CBARP: variants seen among roughly 807,000 people sequenced by gnomAD.
The protein encoded by CBARP is CACN subunit beta associated regulatory protein, also known as voltage-dependent calcium channel beta subunit-associated regulatory protein.
In CBARP, 24 loss-of-function variants were observed where a neutral mutation model predicts 36.3. The observed-to-expected ratio is 0.66, with a 90% confidence interval of 0.48 to 0.93. The LOEUF (loss-of-function observed/expected upper bound fraction) is 0.93. Ranked by LOEUF, CBARP falls within the 40% of genes least tolerant of loss-of-function variation. CBARP has a pLI of 0.00. For synonymous variants in CBARP, 586 were observed against 453.2 expected (o/e 1.29, Z -3.72); for missense variants, 1,146 against 980.4 (o/e 1.17, Z -2.26).
At chr19:1,236,732 G>C (rs953016023) in intron 1 of CBARP, among the ~76,000 whole-genome samples, 5 of 151,794 alleles carry the variant, frequency 3.3e-5, no homozygotes, top group African/African-American at 1.2e-4. Flanking sequence ...AAGGGACAAA[G>C]AAGGCGCATC....
chr19:1,230,358 C>A, intron 9 of CBARP: 2 of 986,934 alleles, frequency 2.0e-6, no homozygotes, highest in Non-Finnish European at 2.4e-6. Context: ...AAGCAGGGTG[C>A]CTCCATGCTG....
rs547982238 is a variant in CBARP, at chr19:1,228,363, G to A, written c.*816C>T. On this transcript the variant is annotated 3_prime_UTR_variant, in exon 10 of 10. Coordinates refer to ENST00000650044, the MANE Select transcript of CBARP (RefSeq NM_001393918.1). The stretch of plus-strand genomic sequence containing the variant: ...TCGCGGGATGGTGCAGACGCGGCGG[G>A]GACTCGGAGGGTGCCGTGCGGGCGA... 20 of 237,420 alleles carry A rather than the reference G, an allele frequency of 8.4e-5. No homozygotes were observed. Among genetic ancestry groups the A allele is most frequent in the Admixed American group, 5.1e-4 (9 of 17,720 alleles). 14.7% of individuals were successfully genotyped at this position (237,420 alleles called of 1,614,324 possible).
chr19:1,236,517 T>C (rs1457053761), intron 1 of CBARP, among the ~76,000 whole-genome samples: 4 of 151,880 alleles, frequency 2.6e-5, no homozygotes, highest in African/African-American at 9.7e-5. Flanking sequence ...CCAGACGCCC[T>C]GTCCGCCCCA....
intron 8 of CBARP, among the ~76,000 whole-genome samples, chr19:1,233,153 C>A (rs1382449408): frequency 1.3e-5 from 2 of 152,214 alleles, no homozygotes; most frequent in Non-Finnish European, 2.9e-5. Context: ...CTGGATGCCC[C>A]AATGGCCCGA....
chr19:1,237,034 G>C (rs1436757781), intron 1 of CBARP, among the ~76,000 whole-genome samples: 2 of 152,154 alleles, frequency 1.3e-5, no homozygotes. Flanking sequence ...CAGCCGGGTG[G>C]GGAGGCCCGG....
At chr19:1,234,849 G>T (rs750043244) in intron 5 of CBARP, 107 bp from the exon 6 acceptor site, 3 of 1,512,740 alleles carry the variant, frequency 2.0e-6, no homozygotes, top group Middle Eastern at 1.8e-4. Context: ...CAGGCGAAAG[G>T]GGGGCAACTG....
chr19:1,229,724 G>A lies in CBARP; in HGVS notation c.1573C>T (p.Arg525Trp). Residue 525 changes from arginine to tryptophan, a missense_variant, in exon 10 of 10, where the codon CGG becomes TGG. Physicochemically the swap from Arg to Trp is moderately radical, Grantham distance 101 (BLOSUM62 -3). Transcript: ENST00000650044. The surrounding 1 kb of genome is among the most constrained non-coding windows in gnomAD (Gnocchi z 5.1). ...GGCCAGGCGCGCGGGCTGCGGGGCC[G>A]GGCGGGCGCGGCAGGTGGCTCGGTG... The part of the protein sequence containing the change: ...DDTEPPAAPA[R>W]PRSPRAWPRR... 2.0e-6 allele frequency: 2 copies of A among 983,350 alleles called. No homozygotes were observed. Among genetic ancestry groups the A allele is most frequent in the Non-Finnish European group, 2.4e-6 (2 of 829,494 alleles). 60.9% of individuals were successfully genotyped at this position (983,350 alleles called of 1,614,324 possible). A position where few individuals can be genotyped will look rare whatever the true frequency, so the allele number is the denominator to read the frequency against.
Position 1,228,643 on chromosome 19 carries a change from C to T in CBARP, c.*536G>A, listed in dbSNP as rs1199627528. 2 of 155,682 alleles carry T rather than the reference C, an allele frequency of 1.3e-5. No individual in the cohort carries two copies. The highest frequency in any genetic ancestry group is 6.6e-5 in the Admixed American group (1 of 15,202). 9.6% of individuals were successfully genotyped at this position (155,682 alleles called of 1,614,324 possible). Reference sequence around the variant, plus strand: ...CACGCCGCAGTGAGGTAAACGGTCTCGGAGGTCGGCAGTCACGGTGTTGAG... The same window carrying T: ...CACGCCGCAGTGAGGTAAACGGTCTTGGAGGTCGGCAGTCACGGTGTTGAG... On this transcript the variant is annotated 3_prime_UTR_variant, in exon 10 of 10. Transcript: ENST00000650044.
chr19:1,230,420 A>G (rs1047435252), intron 9 of CBARP: 10 of 988,784 alleles, frequency 1.0e-5, no homozygotes, highest in African/African-American at 8.7e-5. Context: ...AAAAGTCAAC[A>G]TGCTTCTCTC....
chr19:1,230,942 GC>G, intron 9 of CBARP, 158 bp downstream of exon 9: 1 of 1,581,978 alleles, frequency 6.3e-7, no homozygotes. Context: ...TGGAGAGGTG[GC>G]CCCAGTGAGT....
chr19:1,230,445 TC>T, intron 9 of CBARP: 1 of 992,932 alleles, frequency 1.0e-6, no homozygotes, highest in South Asian at 4.7e-5. Context: ...AGTCACGTTT[TC>T]CCAGCCTCCC....
chr19:1,230,015 C>G lies in CBARP; in HGVS notation c.1282G>C (p.Glu428Gln), dbSNP rs868118622. The change falls in exon 10 of 10, where the codon GAG becomes CAG. Residue 428 changes from glutamate to glutamine, a missense_variant. Coordinates refer to ENST00000650044, the MANE Select transcript of CBARP (RefSeq NM_001393918.1). ...EPDAERDAGP[E>Q]QAQTSYRDLW... is the part of the protein sequence containing the mutation. ...TCGCGGTAGCTGGTCTGGGCCTGCT[C>G]GGGGCCCGCGTCCCGCTCGGCGTCC... The G allele has an allele frequency of 1.6e-6, 2 of 1,232,688 alleles. No individual in the cohort carries two copies. Among genetic ancestry groups the G allele is most frequent in the Non-Finnish European group, 2.1e-6 (2 of 965,608 alleles). The allele number at this position is 1,232,688 out of a possible 1,614,324, so 76.4% of individuals were successfully genotyped here.
rs996617555 is a variant in CBARP, at chr19:1,237,950, GC to G, written c.-217del. 2 of 146,682 alleles carry G rather than the reference GC, an allele frequency of 1.4e-5. No homozygotes were observed. Among genetic ancestry groups the G allele is most frequent in the African/African-American group, 4.9e-5 (2 of 40,848 alleles). 9.1% of individuals were successfully genotyped at this position (146,682 alleles called of 1,614,324 possible). A position where few individuals can be genotyped will look rare whatever the true frequency, so the allele number is the denominator to read the frequency against. The stretch of plus-strand genomic sequence containing the variant: ...CGTTGGCGGCGCGCCCGCTCCGCGC[GC>G]CCGGTGCTGCCCGGTCCCCGGCCCG... On this transcript the variant is annotated 5_prime_UTR_variant, in exon 1 of 10. Transcript: ENST00000650044.
At chr19:1,232,416 G>A (rs1173565556) in intron 8 of CBARP, among the ~76,000 whole-genome samples, 1 of 152,130 alleles carries the variant, frequency 6.6e-6, no homozygotes, top group African/African-American at 2.4e-5. Context: ...CCTTCTCTCT[G>A]CACTTGTCCC....
At chr19:1,236,438 A>C (rs539463253) in intron 1 of CBARP, among the ~76,000 whole-genome samples, 4 of 152,306 alleles carry the variant, frequency 2.6e-5, no homozygotes, top group African/African-American at 9.6e-5. Context: ...CCTGGAGCTC[A>C]GCGCTGGGCA....
Position 1,236,107 on chromosome 19 carries a change from C to G in CBARP, c.-7G>C, listed in dbSNP as rs1272849569. ...TGGTGGCTGTGGGCTGCATTCTGAA[C>G]TGGGGAGGAGGGCCCTGTGGGGAGG... is the stretch of plus-strand genomic sequence containing the variant. On this transcript the variant is annotated 5_prime_UTR_variant, in exon 2 of 10. Transcript: ENST00000650044. 6.9e-7 allele frequency: 1 copy of G among 1,449,896 alleles called. No homozygotes were observed. The highest frequency in any genetic ancestry group is 9.1e-7 in the Non-Finnish European group (1 of 1,104,900). The allele number at this position is 1,449,896 out of a possible 1,614,324, so 89.8% of individuals were successfully genotyped here. A position where few individuals can be genotyped will look rare whatever the true frequency, so the allele number is the denominator to read the frequency against.
intron 9 of CBARP, chr19:1,230,734 T>C (rs753114835): frequency 7.7e-7 from 1 of 1,302,716 alleles, no homozygotes; most frequent in East Asian, 3.1e-5. Context: ...CACAGCAGCT[T>C]CTGAGAGGAG....
intron 5 of CBARP, 78 bp downstream of exon 5, chr19:1,234,923 G>C (rs570639709): frequency 2.9e-5 from 44 of 1,531,544 alleles, no homozygotes; most frequent in Admixed American, 3.7e-5. Context: ...TGCAGCCTCC[G>C]CACCCAGCTC....
At chr19:1,232,189 T>C (rs1462319976) in intron 8 of CBARP, among the ~76,000 whole-genome samples, 3 of 152,120 alleles carry the variant, frequency 2.0e-5, no homozygotes, top group Non-Finnish European at 4.4e-5. Flanking sequence ...GCAACCACAT[T>C]GGACTCTAAA....
Sources: gnomAD v4.1 joint callset for allele counts (sites outside exome capture counted in the v4.1 genomes callset) on GRCh38, gnomAD v4.1.1 for gene constraint, Gnocchi (gnomAD v3.1) non-coding constraint, MANE v1.5 for transcripts, NCBI Gene and HGNC (gene_info 2026-07-23, HGNC 2026-07-21) for gene names.